Variants in TET1 observed in about 807,000 individuals in gnomAD.
The protein encoded by TET1 is tet methylcytosine dioxygenase 1.
TET1 carries 13 observed loss-of-function variants against 148.7 expected under a neutral mutation model. The ratio of observed to expected loss-of-function variants is 0.09; its 90% confidence interval spans 0.06 to 0.14. The LOEUF (loss-of-function observed/expected upper bound fraction) is 0.14, where lower values mean the gene tolerates loss of function less well. Ranked by LOEUF, TET1 falls within the 10% of genes least tolerant of loss-of-function variation. The probability of loss-of-function intolerance (pLI) is 1.00; values close to 1 mark genes in which losing one functional copy is unlikely to be tolerated. For synonymous variants in TET1, 907 were observed against 937.2 expected (o/e 0.97, Z 0.59); for missense variants, 2,182 against 2,553.8 (o/e 0.85, Z 3.14).
chr10:68,646,323 T>C lies in TET1; in HGVS notation c.3594T>C (p.Phe1198=). Residue 1198 remains phenylalanine, a synonymous_variant, in exon 4 of 12, where the codon TTT becomes TTC. Coordinates refer to ENST00000373644, the MANE Select transcript of TET1 (RefSeq NM_030625.3). ...GGATAGCATCGAAATTTCAAAATTT[T>C]GGGCAATTTTGTCCACATGATTTTC... ...DIWIASKFQN[F]GQFCPHDFPT... The C allele has an allele frequency of 6.2e-7, 1 of 1,614,168 alleles. No homozygotes were observed. The highest frequency in any genetic ancestry group is 8.5e-7 in the Non-Finnish European group (1 of 1,180,022).
intron 1 of TET1, among the ~76,000 whole-genome samples, chr10:68,562,598 A>G (rs2053565919): frequency 6.6e-6 from 1 of 152,152 alleles, no homozygotes; most frequent in Non-Finnish European, 1.5e-5. Context: ...GAAATGGCAG[A>G]CAGTGTCCTT....
intron 3 of TET1, among the ~76,000 whole-genome samples, chr10:68,631,506 C>T (rs542181620): frequency 6.9e-4 from 93 of 135,066 alleles, no homozygotes; most frequent in African/African-American, 2.4e-3. Flanking sequence ...TGATCTCCAT[C>T]TCCTTATCCG....
chr10:68,603,446 GCATGTCTTATATCC>G (rs2054083771), intron 3 of TET1, among the ~76,000 whole-genome samples: 1 of 152,056 alleles, frequency 6.6e-6, no homozygotes, highest in Non-Finnish European at 1.5e-5. Context: ...AAATTGGCTG[GCATGTCTTATATCC>G]CTCTCCTCTT....
chr10:68,565,475 AATAT>A (rs71019031), intron 1 of TET1, among the ~76,000 whole-genome samples: 36 of 129,226 alleles, frequency 2.8e-4, no homozygotes, highest in Non-Finnish European at 4.1e-4. Context: ...AAAAAAAAAA[AATAT>A]ATATATATAT....
At chr10:68,656,924 G>A (rs1376210149) in intron 6 of TET1, among the ~76,000 whole-genome samples, 1 of 151,894 alleles carries the variant, frequency 6.6e-6, no homozygotes, top group Admixed American at 6.6e-5. Context: ...TACTCAGGAG[G>A]CTGAGGCACG....
chr10:68,637,185 G>C (rs1413952768), intron 3 of TET1, among the ~76,000 whole-genome samples: 2 of 152,044 alleles, frequency 1.3e-5, no homozygotes, highest in Non-Finnish European at 2.9e-5. Context: ...TTTTAGTAGA[G>C]ATGGGTTTTC....
Position 68,578,877 on chromosome 10 carries a change from C to T in TET1, c.1914+4625C>T, listed in dbSNP as rs549312013. On this transcript the variant is annotated intron_variant, in intron 2 of 11. Coordinates refer to ENST00000373644, the MANE Select transcript of TET1 (RefSeq NM_030625.3). ...TAAAAAAAAGAAAAAATTTGCCGGG[C>T]GTGATAGCTCATGCCTGTGGTCCCA... Among the ~76,000 whole-genome samples the T allele has an allele frequency of 1.1e-4, 16 of 152,062 alleles. No individual in the cohort carries two copies. The East Asian group carries it at 1.5e-3, about 15-fold the overall frequency.
chr10:68,562,873 C>T (rs2053569250), intron 1 of TET1, among the ~76,000 whole-genome samples: 2 of 152,204 alleles, frequency 1.3e-5, no homozygotes, highest in South Asian at 4.2e-4. Flanking sequence ...CTTTTGATCC[C>T]AGTTGCCTTT....
intron 8 of TET1, among the ~76,000 whole-genome samples, chr10:68,677,178 T>C (rs2055373316): frequency 1.3e-5 from 2 of 152,124 alleles, no homozygotes; most frequent in South Asian, 4.1e-4. Flanking sequence ...TAGCAGAAAA[T>C]AGCCCAGGAA....
intron 6 of TET1, among the ~76,000 whole-genome samples, chr10:68,653,390 T>G (rs979428036): frequency 6.6e-6 from 1 of 152,212 alleles, no homozygotes; most frequent in Admixed American, 6.5e-5. Context: ...TTTATAATGT[T>G]TCCATGTCTG....
At chr10:68,652,744 A>G (rs551548286) in intron 6 of TET1, 150 bp downstream of exon 6, 4 of 524,130 alleles carry the variant, frequency 7.6e-6, no homozygotes, top group East Asian at 7.0e-5. Flanking sequence ...GCTGGATTGC[A>G]GTGGTGCAAT....
At chr10:68,611,894 A>AAAGG (rs367572555) in intron 3 of TET1, among the ~76,000 whole-genome samples, 1 of 146,422 alleles carries the variant, frequency 6.8e-6, no homozygotes, top group South Asian at 2.2e-4. Context: ...GGGAGGGGAG[A>AAAGG]AAGGAAGGAA....
At chr10:68,659,468 G>C (rs1051282286) in intron 6 of TET1, among the ~76,000 whole-genome samples, 2 of 152,002 alleles carry the variant, frequency 1.3e-5, no homozygotes, top group African/African-American at 4.8e-5. Context: ...ACAGGCGTGT[G>C]CCACCATGCT....
intron 2 of TET1, among the ~76,000 whole-genome samples, chr10:68,588,028 A>G (rs976661661): frequency 2.0e-5 from 3 of 151,884 alleles, no homozygotes; most frequent in Non-Finnish European, 4.4e-5. Context: ...ACGCCTGGCT[A>G]ATTTTTGTAT....
At chr10:68,672,508 A>AAAAAAAAC (rs2055288296) in intron 7 of TET1, among the ~76,000 whole-genome samples, 4 of 148,684 alleles carry the variant, frequency 2.7e-5, no homozygotes, top group African/African-American at 9.9e-5. Context: ...AAAAAAAAAA[A>AAAAAAAAC]AAACACCAAA....
intron 11 of TET1, 49 bp from the exon 12 acceptor site, chr10:68,690,759 C>A: frequency 6.6e-7 from 1 of 1,515,328 alleles, no homozygotes; most frequent in South Asian, 1.3e-5. Flanking sequence ...AAGGCAACCC[C>A]TACCAAAAGT....
chr10:68,589,335 T>G (rs1298581455), intron 2 of TET1, among the ~76,000 whole-genome samples: 1 of 152,166 alleles, frequency 6.6e-6, no homozygotes, highest in African/African-American at 2.4e-5. Context: ...TGAAAGTTTC[T>G]TATTCTCTTT....
rs560901552 is a variant in TET1 at position 68,666,171 on chromosome 10, C to T, written c.4462-874C>T. Among the ~76,000 whole-genome samples the T allele has an allele frequency of 7.2e-5, 11 of 151,984 alleles. No individual in the cohort carries two copies. The South Asian group carries it at 2.1e-3, about 29-fold the overall frequency. On this transcript the variant is annotated intron_variant, in intron 6 of 11. Coordinates refer to ENST00000373644, the MANE Select transcript of TET1 (RefSeq NM_030625.3). ...CAGACCACTGAGCAAATTTTAAATA[C>T]TGCCGAAGCCTTTTTAACATCCCAA...
Position 68,646,758 on chromosome 10 carries a change from A to C in TET1, c.4029A>C (p.Glu1343Asp). The C allele has an allele frequency of 6.2e-7, 1 of 1,614,172 alleles. No homozygotes were observed. Among genetic ancestry groups the C allele is most frequent in the Non-Finnish European group, 8.5e-7 (1 of 1,180,036 alleles). Reference sequence around the variant, plus strand: ...CAACATTGCCTGGTATCTCTCATGAAACACCCTTACCGGAGTCAGCACTAA... The same window carrying C: ...CAACATTGCCTGGTATCTCTCATGACACACCCTTACCGGAGTCAGCACTAA... ...RLPTLPGISH[E>D]TPLPESALTL... Residue 1343 changes from glutamate to aspartate, a missense_variant, in exon 4 of 12, where the codon GAA (glutamate) becomes GAC (aspartate). Around this residue, in one of 11 missense-constraint regions of TET1, gnomAD observed 582 missense variants for 599.5 expected, o/e 0.97. Coordinates refer to ENST00000373644, the MANE Select transcript of TET1 (RefSeq NM_030625.3).
Sources: allele counts gnomAD v4.1 joint callset (sites outside exome capture counted in the v4.1 genomes callset), GRCh38; gene constraint gnomAD v4.1.1; regional missense constraint gnomAD v4.1.1; transcripts MANE v1.5; gene names NCBI Gene and HGNC (gene_info 2026-07-23, HGNC 2026-07-21).